Variants in POLA1 observed in about 807,000 individuals in gnomAD.
The protein encoded by POLA1 is DNA polymerase alpha catalytic subunit.
A neutral mutation model predicts 124.0 loss-of-function variants in POLA1; 15 were observed. The ratio of observed to expected loss-of-function variants is 0.12; its 90% confidence interval spans 0.08 to 0.19. POLA1 has a LOEUF of 0.19. POLA1 is among the 10% of genes least tolerant of loss of function. The pLI is 1.00. For missense variants in POLA1, 886 were observed against 1,103.4 expected, an observed-to-expected ratio of 0.80 and a Z score of 2.79; for synonymous variants, 408 against 389.4, an observed-to-expected ratio of 1.05 and a Z score of -0.56.
intron 35 of POLA1, among the ~76,000 whole-genome samples, chrX:24,919,013 A>T (rs1313137359): frequency 1.8e-5 from 2 of 111,988 alleles, no homozygotes; most frequent in Non-Finnish European, 3.8e-5. Context: ...ATCACATTTC[A>T]ACATGAGATT....
chrX:24,794,653 T>G (rs1194249237), intron 26 of POLA1, among the ~76,000 whole-genome samples: 2 of 112,042 alleles, frequency 1.8e-5, no homozygotes, highest in African/African-American at 6.5e-5. Context: ...TTTGAGATAT[T>G]TCAGGAGAGA....
intron 34 of POLA1, among the ~76,000 whole-genome samples, chrX:24,886,337 C>T (rs1440249656): frequency 8.9e-6 from 1 of 111,827 alleles, no homozygotes; most frequent in Non-Finnish European, 1.9e-5. Flanking sequence ...CCTCCCTGTA[C>T]TTGAAAAGCT....
rs772769256 is a variant in POLA1 at position 24,789,090 on chromosome X, G to C, written c.2965-20808G>C. 3 of 1,193,011 alleles carry C rather than the reference G, an allele frequency of 2.5e-6. No homozygotes were observed. In the African/African-American group the frequency reaches 5.3e-5, roughly 21 times the overall value. ...CCCATGGTGTCGGCTGTATCCGAGA[G>C]CTGGGGAGCAGCAGAAAGAGCCCAC... On this transcript the variant is annotated intron_variant, in intron 26 of 36. Coordinates refer to ENST00000379068, the MANE Select transcript of POLA1 (RefSeq NM_001330360.2).
chrX:24,838,446 G>A (rs2046369826), intron 32 of POLA1, among the ~76,000 whole-genome samples: 1 of 112,003 alleles, frequency 8.9e-6, no homozygotes, highest in Admixed American at 9.5e-5. Flanking sequence ...AGCCCAGGCA[G>A]GCTGCTTCTT....
At chrX:24,762,135 C>T (rs949446557) in intron 26 of POLA1, among the ~76,000 whole-genome samples, 2 of 111,661 alleles carry the variant, frequency 1.8e-5, no homozygotes, top group Admixed American at 9.5e-5. Context: ...GCTCAGTGGG[C>T]TTCAGTTACA....
Position 24,762,015 on chromosome X carries a change from C to T in POLA1, c.2964+13023C>T, listed in dbSNP as rs937939184. Among the ~76,000 whole-genome samples the T allele has an allele frequency of 3.6e-5, 4 of 112,331 alleles. No homozygotes were observed. The Admixed American group carries it at 3.8e-4, about 11-fold the overall frequency. On this transcript the variant is annotated intron_variant, in intron 26 of 36. Coordinates refer to ENST00000379068, the MANE Select transcript of POLA1 (RefSeq NM_001330360.2). ...ATGCACTGGAGAAAGCCCTGGACTGCACACCAGGGGTGCTCACCCACTTGT... is the reference window on the plus strand; with the variant it reads ...ATGCACTGGAGAAAGCCCTGGACTGTACACCAGGGGTGCTCACCCACTTGT...
intron 10 of POLA1, among the ~76,000 whole-genome samples, chrX:24,720,077 A>G (rs1162760555): frequency 9.0e-6 from 1 of 111,188 alleles, no homozygotes; most frequent in African/African-American, 3.3e-5. Context: ...CCTGCTGTCT[A>G]TGAATTTTGT....
intron 26 of POLA1, among the ~76,000 whole-genome samples, chrX:24,787,086 C>G (rs367986517): frequency 4.3e-4 from 48 of 111,172 alleles, no homozygotes; most frequent in African/African-American, 1.5e-3. Flanking sequence ...TGTTTTTGTG[C>G]TATTGAGTTG....
intron 26 of POLA1, among the ~76,000 whole-genome samples, chrX:24,790,370 A>G (rs2045468177): frequency 8.9e-6 from 1 of 112,275 alleles, no homozygotes; most frequent in African/African-American, 3.2e-5. Flanking sequence ...TTTATTTAGT[A>G]ATAAGGGATC....
chrX:24,875,494 T>G (rs184870126), intron 34 of POLA1, among the ~76,000 whole-genome samples: 1 of 112,202 alleles, frequency 8.9e-6, no homozygotes, highest in African/African-American at 3.2e-5. Context: ...AAAGAAGTTA[T>G]CACTGACTGA....
At chrX:24,727,990 G>A (rs761215212) in intron 15 of POLA1, 54 bp downstream of exon 15, 4 of 995,260 alleles carry the variant, frequency 4.0e-6, no homozygotes, top group Non-Finnish European at 5.6e-6. Flanking sequence ...TTACTTGCCT[G>A]AACTTGCACA....
chrX:24,752,727 T>C (rs1932385449), intron 26 of POLA1, among the ~76,000 whole-genome samples: 1 of 112,083 alleles, frequency 8.9e-6, no homozygotes, highest in African/African-American at 3.2e-5. Flanking sequence ...TTTGGAACTA[T>C]TAAAGAAAAG....
chrX:24,875,931 C>T (rs986486951), intron 34 of POLA1, among the ~76,000 whole-genome samples: 5 of 111,607 alleles, frequency 4.5e-5, no homozygotes, highest in Non-Finnish European at 9.4e-5. Flanking sequence ...TGATAATTTC[C>T]AAAAGCTAAG....
chrX:24,905,374 G>A (rs1379165159), intron 35 of POLA1, among the ~76,000 whole-genome samples: 2 of 73,546 alleles, frequency 2.7e-5, no homozygotes, highest in African/African-American at 1.1e-4. Flanking sequence ...ATAGAACCAG[G>A]AAAATCCTAT....
chrX:24,927,116 G>C (rs2047704395), intron 35 of POLA1, among the ~76,000 whole-genome samples: 1 of 109,907 alleles, frequency 9.1e-6, no homozygotes, highest in South Asian at 4.0e-4. Context: ...GGGATTACAG[G>C]TGTGAGCCAC....
chrX:24,800,573 A>T (rs2045688609), intron 26 of POLA1, among the ~76,000 whole-genome samples: 1 of 112,004 alleles, frequency 8.9e-6, no homozygotes. Context: ...GTCAGATATA[A>T]CCCGAAGAAT....
At chrX:24,802,586 A>G (rs367562978) in intron 26 of POLA1, among the ~76,000 whole-genome samples, 6 of 112,159 alleles carry the variant, frequency 5.3e-5, no homozygotes, top group African/African-American at 1.9e-4. Flanking sequence ...GCTAGAGACA[A>G]GTAGGCCAAG....
chrX:24,819,718 A>G (rs57600932), intron 30 of POLA1, among the ~76,000 whole-genome samples: 10,545 of 110,562 alleles, frequency 0.095, 1,070 homozygotes, highest in African/African-American at 0.3. Context: ...CACATGTGCC[A>G]TGGTGGTTTG....
At chrX:24,952,540 GA>G (rs971354348) in intron 36 of POLA1, among the ~76,000 whole-genome samples, 1 of 110,029 alleles carries the variant, frequency 9.1e-6, no homozygotes, top group African/African-American at 3.3e-5. Flanking sequence ...AAGCAGAAGG[GA>G]AAAAAAAAGC....
Sources: allele counts gnomAD v4.1 joint callset (sites outside exome capture counted in the v4.1 genomes callset), GRCh38; gene constraint gnomAD v4.1.1; transcripts MANE v1.5; gene names NCBI Gene and HGNC (gene_info 2026-07-23, HGNC 2026-07-21).